LRBA: variants seen among roughly 807,000 people sequenced by gnomAD.
The protein encoded by LRBA is lipopolysaccharide-responsive and beige-like anchor protein.
In LRBA, 176 loss-of-function variants were observed where a neutral mutation model predicts 330.0. The observed-to-expected ratio is 0.53, with a 90% CI of 0.47 to 0.60. The LOEUF (loss-of-function observed/expected upper bound fraction) is 0.60, where lower values mean the gene tolerates loss of function less well. LRBA is among the 20% of genes least tolerant of loss of function. The pLI, the probability that LRBA is intolerant of heterozygous loss-of-function variation, is 0.00. For missense variants in LRBA, 3,259 were observed against 3,444.8 expected, an observed-to-expected ratio of 0.95 and a Z score of 1.35; for synonymous variants, 1,230 against 1,193.0, an observed-to-expected ratio of 1.03 and a Z score of -0.64.
At chr4:150,794,777 C>T (rs1282939643) in intron 34 of LRBA, among the ~76,000 whole-genome samples, 1 of 152,096 alleles carries the variant, frequency 6.6e-6, no homozygotes, top group Non-Finnish European at 1.5e-5. Flanking sequence ...CCAGTCCAGA[C>T]TACATGGTGC....
At chr4:150,269,085 A>G (rs1018001126) in intron 56 of LRBA, among the ~76,000 whole-genome samples, 55 of 152,332 alleles carry the variant, frequency 3.6e-4, no homozygotes, top group African/African-American at 1.3e-3. Context: ...ATACACTAAC[A>G]AACAATGAGC....
chr4:150,476,170 T>C (rs1326243298), intron 42 of LRBA, among the ~76,000 whole-genome samples: 1 of 152,212 alleles, frequency 6.6e-6, no homozygotes, highest in Non-Finnish European at 1.5e-5. Context: ...TCTCCTCTAC[T>C]GTCTAACAGT....
At chr4:150,529,984 C>T (rs950530515) in intron 40 of LRBA, among the ~76,000 whole-genome samples, 2 of 152,032 alleles carry the variant, frequency 1.3e-5, no homozygotes, top group Non-Finnish European at 2.9e-5. Context: ...TCTCATAATC[C>T]TTGCATTCCA....
chr4:150,705,522 C>G (rs960772369), intron 36 of LRBA, among the ~76,000 whole-genome samples: 5 of 151,968 alleles, frequency 3.3e-5, no homozygotes, highest in Admixed American at 3.3e-4. Context: ...TAAAACCTCA[C>G]AAATGACTAA....
chr4:150,957,403 A>C (rs1024496509), intron 2 of LRBA, among the ~76,000 whole-genome samples: 1 of 148,460 alleles, frequency 6.7e-6, no homozygotes, highest in Non-Finnish European at 1.5e-5. Context: ...TATCAAGAGA[A>C]CAGCACGGAA....
At chr4:151,010,201 A>C (rs1473690746) in intron 2 of LRBA, among the ~76,000 whole-genome samples, 1 of 152,030 alleles carries the variant, frequency 6.6e-6, no homozygotes, top group Non-Finnish European at 1.5e-5. Flanking sequence ...AAAATCATGA[A>C]AGTATGTATT....
intron 40 of LRBA, among the ~76,000 whole-genome samples, chr4:150,510,066 G>T (rs1020425805): frequency 6.6e-6 from 1 of 152,128 alleles, no homozygotes; most frequent in Non-Finnish European, 1.5e-5. Context: ...AAACCAGGAG[G>T]GAGGTGGAGG....
At chr4:150,278,901 T>G (rs575841716) in intron 55 of LRBA, among the ~76,000 whole-genome samples, 13 of 152,136 alleles carry the variant, frequency 8.5e-5, no homozygotes, top group African/African-American at 2.9e-4. Context: ...CTCAGCTCAC[T>G]ACAATCTCCA....
intron 46 of LRBA, among the ~76,000 whole-genome samples, chr4:150,418,851 A>G (rs759136581): frequency 6.6e-6 from 1 of 152,170 alleles, no homozygotes; most frequent in African/African-American, 2.4e-5. Context: ...TATATGAGGT[A>G]TCTAGGTGAA....
At chr4:150,396,087 A>C (rs1221519924) in intron 47 of LRBA, among the ~76,000 whole-genome samples, 1 of 152,132 alleles carries the variant, frequency 6.6e-6, no homozygotes, top group Non-Finnish European at 1.5e-5. Context: ...TTAGCATCTG[A>C]ATCAGCACAC....
At chr4:150,643,934 G>T (rs930456389) in intron 37 of LRBA, among the ~76,000 whole-genome samples, 1 of 151,864 alleles carries the variant, frequency 6.6e-6, no homozygotes, top group Non-Finnish European at 1.5e-5. Context: ...AGCAGAGTAC[G>T]TGGTGCTCTC....
chr4:150,657,129 C>A (rs2126793804), intron 37 of LRBA, among the ~76,000 whole-genome samples: 1 of 152,210 alleles, frequency 6.6e-6, no homozygotes. Flanking sequence ...CTAATGTGAG[C>A]AAATATACAA....
At chr4:150,405,824 A>G (rs1014012339) in intron 47 of LRBA, among the ~76,000 whole-genome samples, 1 of 152,098 alleles carries the variant, frequency 6.6e-6, no homozygotes. Context: ...AGAAGCCAAG[A>G]TAAGAGGATT....
chr4:150,693,011 CCAAA>C (rs1784276741), intron 36 of LRBA, among the ~76,000 whole-genome samples: 1 of 151,988 alleles, frequency 6.6e-6, no homozygotes, highest in Non-Finnish European at 1.5e-5. Context: ...CTGAAAACAA[CCAAA>C]CAAACAGAAG....
At chr4:150,297,999 T>G (rs1729180959) in intron 53 of LRBA, among the ~76,000 whole-genome samples, 1 of 152,192 alleles carries the variant, frequency 6.6e-6, no homozygotes, top group Admixed American at 6.5e-5. Flanking sequence ...AAAGTACACC[T>G]GTCTTAACCA....
At chr4:150,981,898 G>C (rs1273636670) in intron 2 of LRBA, among the ~76,000 whole-genome samples, 1 of 151,334 alleles carries the variant, frequency 6.6e-6, no homozygotes, top group Non-Finnish European at 1.5e-5. Context: ...GGGAGGCGGA[G>C]GTTGCAGGGA....
At chr4:150,696,322 C>T (rs1233805096) in intron 36 of LRBA, among the ~76,000 whole-genome samples, 1 of 152,122 alleles carries the variant, frequency 6.6e-6, no homozygotes, top group African/African-American at 2.4e-5. Flanking sequence ...TCATAATTAA[C>T]AATGTAGTTA....
At chr4:150,430,939 G>T (rs116790834) in intron 46 of LRBA, among the ~76,000 whole-genome samples, 27 of 152,166 alleles carry the variant, frequency 1.8e-4, no homozygotes, top group African/African-American at 6.0e-4. Context: ...CCATTAGATT[G>T]AATTTATCAA....
chr4:150,422,548 T>A lies in LRBA; in HGVS notation c.7042-6958A>T, dbSNP rs1403606317. 3 of 481,432 alleles carry A rather than the reference T, an allele frequency of 6.2e-6. No homozygotes were observed. In the Admixed American group the frequency reaches 9.8e-5, roughly 16 times the overall value. 29.8% of individuals were successfully genotyped at this position (481,432 alleles called of 1,614,324 possible). On this transcript the variant is annotated intron_variant, in intron 46 of 56. Transcript: ENST00000651943. ...ATACTGGCACTCCTGACCCACACTA[T>A]CCTCTGCACCCCGTCCCTGACCACA...
Sources: allele counts gnomAD v4.1 joint callset (sites outside exome capture counted in the v4.1 genomes callset), GRCh38; gene constraint gnomAD v4.1.1; transcripts MANE v1.5; gene names NCBI Gene and HGNC (gene_info 2026-07-23, HGNC 2026-07-21).